The following IFT88 variants were observed in gnomAD, a reference collection of about 807,000 sequenced individuals.
The protein encoded by IFT88 is intraflagellar transport protein 88 homolog.
Under a neutral mutation model 119.5 loss-of-function variants are expected in IFT88, and 74 were observed. That is an observed-to-expected ratio of 0.62 (90% CI 0.51 to 0.75). The LOEUF is 0.75. Ranked by LOEUF, IFT88 falls within the 30% of genes least tolerant of loss-of-function variation. The pLI is 0.00. For missense variants in IFT88, 961 were observed against 977.7 expected (o/e 0.98, Z 0.23); for synonymous variants, 279 against 316.7 (o/e 0.88, Z 1.26).
At chr13:20,639,786 C>CTTTTTTTT (rs34190452) in intron 17 of IFT88, among the ~76,000 whole-genome samples, 14 of 109,454 alleles carry the variant, frequency 1.3e-4, no homozygotes, top group South Asian at 3.2e-4. Flanking sequence ...TAAAATTTGT[C>CTTTTTTTT]TTTTTTTTTT....
Position 20,683,830 on chromosome 13 carries a change from AG to A in IFT88, c.2243-6873del, listed in dbSNP as rs2057593972. ...TCCCATTCCCACATACAGCACAGTC[AG>A]GAGCTGTGCTATACGCTCTCCTGGC... On this transcript the variant is annotated intron_variant, in intron 24 of 25. Coordinates refer to ENST00000351808, the MANE Select transcript of IFT88 (RefSeq NM_006531.5). 2.0e-5 allele frequency among the ~76,000 whole-genome samples: 3 copies of A among 152,332 alleles called. No homozygotes were observed. The South Asian group carries it at 6.2e-4, about 32-fold the overall frequency.
At position 20,682,012 on chromosome 13, in the gene IFT88, A is replaced by C. The variant is rs141829467; in HGVS notation, c.2243-8693A>C. Among the ~76,000 whole-genome samples, 117 of 152,378 alleles carry C rather than the reference A, an allele frequency of 7.7e-4. 2 individuals carry two copies. In the South Asian group the frequency reaches 0.021, roughly 27 times the overall value. On this transcript the variant is annotated intron_variant, in intron 24 of 25. Transcript: ENST00000351808. ...AAAGTTGAAATAATTTTGTTTTCGG[A>C]AAGTGATTATCAAGAACACCTACGA...
At chr13:20,616,891 C>T (rs2045707261) in intron 14 of IFT88, among the ~76,000 whole-genome samples, 1 of 151,982 alleles carries the variant, frequency 6.6e-6, no homozygotes, top group Admixed American at 6.6e-5. Flanking sequence ...CTTATGGGAC[C>T]ACTGTTGTCT....
chr13:20,676,289 A>C (rs1219335248), intron 24 of IFT88, among the ~76,000 whole-genome samples: 1 of 152,146 alleles, frequency 6.6e-6, no homozygotes, highest in Non-Finnish European at 1.5e-5. Context: ...TCTCTTTGTC[A>C]CAGTTTCCTC....
Position 20,690,794 on chromosome 13 carries a change from A to G in IFT88, c.2332A>G (p.Ser778Gly). Residue 778 changes from serine (S) to glycine (G), a missense_variant, in exon 25 of 26, where the codon AGT (serine) becomes GGT (glycine). Physicochemically the swap from Ser to Gly is moderately conservative, Grantham distance 56. Transcript: ENST00000351808. ...ACCTGGGACAAATGAACCTTATGAAAGTAGCAGTAACAAAGAAATAGGCAA... is the reference window on the plus strand; with the variant it reads ...ACCTGGGACAAATGAACCTTATGAAGGTAGCAGTAACAAAGAAATAGGCAA... ...ALPGTNEPYE[S>G]SSNKEIDASY... The G allele has an allele frequency of 6.2e-7, 1 of 1,613,120 alleles. No homozygotes were observed. The highest frequency in any genetic ancestry group is 8.5e-7 in the Non-Finnish European group (1 of 1,179,084).
chr13:20,582,227 G>T (rs1265734919), intron 2 of IFT88, among the ~76,000 whole-genome samples: 2 of 152,104 alleles, frequency 1.3e-5, no homozygotes, highest in African/African-American at 4.8e-5. Flanking sequence ...TATAAAAATG[G>T]TATTTTGTTC....
chr13:20,655,570 T>G (rs1161456446), intron 21 of IFT88, among the ~76,000 whole-genome samples: 1 of 152,162 alleles, frequency 6.6e-6, no homozygotes, highest in African/African-American at 2.4e-5. Context: ...CACAGCTCAC[T>G]GCAACTTCCA....
chr13:20,685,117 T>G (rs758887576), intron 24 of IFT88, among the ~76,000 whole-genome samples: 2 of 152,236 alleles, frequency 1.3e-5, no homozygotes, highest in Non-Finnish European at 2.9e-5. Flanking sequence ...GAAGCATTCC[T>G]TATGGGAAAC....
intron 3 of IFT88, among the ~76,000 whole-genome samples, chr13:20,587,352 G>A (rs1019029033): frequency 1.3e-5 from 2 of 151,970 alleles, no homozygotes; most frequent in African/African-American, 4.8e-5. Flanking sequence ...CCACCTCCTG[G>A]GTTCAAGCAA....
intron 13 of IFT88, chr13:20,608,045 T>G (rs2043815367): frequency 3.6e-6 from 2 of 552,228 alleles, no homozygotes; most frequent in African/African-American, 3.8e-5. Context: ...AATGGCCTCC[T>G]CTTCCCCCAG....
At chr13:20,619,343 A>G (rs562820015) in intron 14 of IFT88, among the ~76,000 whole-genome samples, 88 of 152,336 alleles carry the variant, frequency 5.8e-4, no homozygotes, top group Middle Eastern at 3.4e-3. Context: ...CCAGCTCTGA[A>G]GAGTGACTGA....
intron 23 of IFT88, among the ~76,000 whole-genome samples, chr13:20,668,165 G>A (rs1389777355): frequency 3.3e-5 from 5 of 152,194 alleles, no homozygotes. Flanking sequence ...GCCAGCCCTG[G>A]AATACCCGGT....
intron 20 of IFT88, among the ~76,000 whole-genome samples, chr13:20,651,757 A>G (rs1225933538): frequency 6.6e-6 from 1 of 152,052 alleles, no homozygotes; most frequent in African/African-American, 2.4e-5. Flanking sequence ...TATCATAGGT[A>G]TGTTTGTATA....
chr13:20,573,987 A>T (rs1311077610), intron 1 of IFT88, among the ~76,000 whole-genome samples: 4 of 152,196 alleles, frequency 2.6e-5, no homozygotes, highest in Admixed American at 2.6e-4. Flanking sequence ...TATATAGATA[A>T]ATTTGACCAC....
intron 24 of IFT88, 105 bp downstream of exon 24, chr13:20,671,144 G>T (rs1176238918): frequency 4.6e-6 from 4 of 861,734 alleles, no homozygotes; most frequent in Non-Finnish European, 5.5e-6. Flanking sequence ...GTGTCTGTCG[G>T]TTTGTTCTAT....
At chr13:20,619,876 T>C (rs2046218416) in intron 14 of IFT88, among the ~76,000 whole-genome samples, 1 of 152,188 alleles carries the variant, frequency 6.6e-6, no homozygotes, top group Non-Finnish European at 1.5e-5. Flanking sequence ...TACAAATACT[T>C]GGTGTATTTT....
intron 13 of IFT88, among the ~76,000 whole-genome samples, chr13:20,608,737 C>T (rs532816846): frequency 6.6e-6 from 1 of 152,200 alleles, no homozygotes; most frequent in East Asian, 1.9e-4. Context: ...TCCCAGTCAT[C>T]CCCTTAATAG....
rs548634188 is a variant in IFT88 at position 20,582,924 on chromosome 13, G to A, written c.91-33G>A. 7 of 1,557,416 alleles carry A rather than the reference G, an allele frequency of 4.5e-6. No individual in the cohort carries two copies. In the South Asian group the frequency reaches 6.7e-5, roughly 15 times the overall value. On this transcript the variant is annotated intron_variant, in intron 2 of 25. Transcript: ENST00000351808. ...TATTTTTTCCCCCAATTCTTACTCT[G>A]TGTTGAATGTTAAATTTGCGTTTTC...
chr13:20,644,761 T>G, intron 19 of IFT88, 82 bp from the exon 20 acceptor site: 1 of 646,176 alleles, frequency 1.5e-6, no homozygotes, highest in African/African-American at 1.8e-5. Context: ...TGGATAAATT[T>G]ATTCAATAGG....
Sources: gnomAD v4.1 joint callset for allele counts (sites outside exome capture counted in the v4.1 genomes callset) on GRCh38, gnomAD v4.1.1 for gene constraint, MANE v1.5 for transcripts, NCBI Gene and HGNC (gene_info 2026-07-23, HGNC 2026-07-21) for gene names.